IL1RAPL2: variants seen among roughly 807,000 people sequenced by gnomAD.
IL1RAPL2 encodes the protein interleukin 1 receptor accessory protein like 2, also known as X-linked interleukin-1 receptor accessory protein-like 2.
IL1RAPL2 carries 3 observed loss-of-function variants against 44.1 expected under a neutral mutation model. That is an observed-to-expected ratio of 0.07 (90% CI 0.03 to 0.18). The LOEUF is 0.18. Among genes scored for constraint, IL1RAPL2 ranks in the 10% least tolerant of loss-of-function variants. IL1RAPL2 has a pLI of 1.00. For missense variants in IL1RAPL2, 391 were observed against 496.4 expected, an observed-to-expected ratio of 0.79 and a Z score of 2.02; for synonymous variants, 181 against 178.8, an observed-to-expected ratio of 1.01 and a Z score of -0.10.
At chrX:104,802,643 A>G (rs377204233) in intron 2 of IL1RAPL2, among the ~76,000 whole-genome samples, 4 of 111,824 alleles carry the variant, frequency 3.6e-5, no homozygotes, top group African/African-American at 1.3e-4. Context: ...ATGTTTGTTC[A>G]TAGTACAATT....
At chrX:105,279,591 T>C (rs769982422) in intron 5 of IL1RAPL2, among the ~76,000 whole-genome samples, 2 of 111,615 alleles carry the variant, frequency 1.8e-5, no homozygotes, top group Admixed American at 9.5e-5. Flanking sequence ...AAAACTCTCC[T>C]GCCTCAGCCT....
At chrX:105,649,315 TAGAG>T (rs1182645359) in intron 6 of IL1RAPL2, among the ~76,000 whole-genome samples, 2 of 110,311 alleles carry the variant, frequency 1.8e-5, no homozygotes, top group African/African-American at 6.6e-5. Flanking sequence ...AAGAGGCAAA[TAGAG>T]AAAGACTGCT....
rs1434083163 is a variant in IL1RAPL2 at position 105,121,918 on chromosome X, A to G, written c.83-73557A>G. The stretch of plus-strand genomic sequence containing the variant: ...ATGCCTCACTGTCATTCTTGCCATT[A>G]TCTTAATGTTCTTGTTTCCAATAGC... On this transcript the variant is annotated intron_variant, in intron 2 of 10. Coordinates refer to ENST00000372582, the MANE Select transcript of IL1RAPL2 (RefSeq NM_017416.2). 2.7e-5 allele frequency among the ~76,000 whole-genome samples: 3 copies of G among 111,028 alleles called. No individual in the cohort carries two copies. In the East Asian group the frequency reaches 8.4e-4, roughly 31 times the overall value.
intron 2 of IL1RAPL2, among the ~76,000 whole-genome samples, chrX:104,819,416 C>T (rs1344900809): frequency 8.9e-6 from 1 of 111,951 alleles, no homozygotes; most frequent in Non-Finnish European, 1.9e-5. Context: ...ATTGTTAAGA[C>T]AAACTATCCT....
intron 2 of IL1RAPL2, among the ~76,000 whole-genome samples, chrX:104,908,571 T>G (rs1375834876): frequency 3.6e-5 from 4 of 111,291 alleles, no homozygotes; most frequent in Non-Finnish European, 5.7e-5. Context: ...GAAGCTTAGT[T>G]TGGCTGGATA....
intron 2 of IL1RAPL2, among the ~76,000 whole-genome samples, chrX:104,692,892 T>C (rs900516638): frequency 1.8e-5 from 2 of 111,632 alleles, no homozygotes; most frequent in Non-Finnish European, 3.8e-5. Context: ...ATGGTATTTC[T>C]AGTTCTAGAT....
At chrX:104,740,179 G>C (rs1178673626) in intron 2 of IL1RAPL2, among the ~76,000 whole-genome samples, 1 of 111,292 alleles carries the variant, frequency 9.0e-6, no homozygotes, top group Non-Finnish European at 1.9e-5. Flanking sequence ...GCTTGCAACA[G>C]TGACATGAAC....
intron 2 of IL1RAPL2, among the ~76,000 whole-genome samples, chrX:104,683,890 A>G (rs376217372): frequency 8.9e-6 from 1 of 112,042 alleles, no homozygotes; most frequent in East Asian, 2.8e-4. Context: ...ATGGAGTTCT[A>G]TTAATAGACC....
At chrX:105,584,354 C>A (rs1373856153) in intron 6 of IL1RAPL2, among the ~76,000 whole-genome samples, 1 of 111,160 alleles carries the variant, frequency 9.0e-6, no homozygotes, top group Non-Finnish European at 1.9e-5. Flanking sequence ...CATGAAATGC[C>A]CTCCTTTATC....
intron 3 of IL1RAPL2, among the ~76,000 whole-genome samples, chrX:105,210,854 G>C (rs906030174): frequency 2.7e-5 from 3 of 110,653 alleles, no homozygotes; most frequent in African/African-American, 9.9e-5. Context: ...GATGTCCAAG[G>C]CTCCTCCATT....
At chrX:105,413,195 T>C (rs187344211) in intron 5 of IL1RAPL2, among the ~76,000 whole-genome samples, 1 of 112,192 alleles carries the variant, frequency 8.9e-6, no homozygotes, top group East Asian at 2.8e-4. Flanking sequence ...ATTGTGCTAA[T>C]GTCGATAACA....
chrX:105,692,250 C>T (rs371879574), intron 6 of IL1RAPL2, among the ~76,000 whole-genome samples: 4 of 111,258 alleles, frequency 3.6e-5, no homozygotes, highest in South Asian at 7.7e-4. Context: ...TCACTTATTC[C>T]CCACAACTCT....
In IL1RAPL2 at chrX:104,582,828, CTT is replaced by C. The variant is rs749085042; in HGVS notation, c.-20+15779_-20+15780del. Among the ~76,000 whole-genome samples, 122 of 65,112 alleles carry C rather than the reference CTT, an allele frequency of 1.9e-3. 3 individuals carry two copies. Among genetic ancestry groups the C allele is most frequent in the Admixed American group, 9.3e-3 (45 of 4,837 alleles). The allele number at this position is 65,112 out of a possible 115,157, so 56.5% of individuals were successfully genotyped here. On this transcript the variant is annotated intron_variant, in intron 1 of 10. Transcript: ENST00000372582. The stretch of plus-strand genomic sequence containing the variant: ...CTCTTTCTCTCCTTTCTTTCTCTTT[CTT>C]TCTTTCTTTCTTTCTTTCTTTCTTT...
chrX:105,325,541 TTATATATATATATA>T lies in IL1RAPL2; in HGVS notation c.697+58023_697+58036del, dbSNP rs3035842. On this transcript the variant is annotated intron_variant, in intron 5 of 10. Coordinates refer to ENST00000372582, the MANE Select transcript of IL1RAPL2 (RefSeq NM_017416.2). ...TGTTTTCATTTTATCTCTCTTGGTTTTATATATATATATATATATATATATATATATATATACAC... is the reference window on the plus strand; with the variant it reads ...TGTTTTCATTTTATCTCTCTTGGTTTTATATATATATATATATATATACAC... 4.1e-4 allele frequency among the ~76,000 whole-genome samples: 31 copies of T among 76,072 alleles called. No individual in the cohort carries two copies. In the South Asian group the frequency reaches 7.4e-3, roughly 18 times the overall value. 66.1% of individuals were successfully genotyped at this position (76,072 alleles called of 115,157 possible).
chrX:104,964,889 C>G (rs2030089998), intron 2 of IL1RAPL2, among the ~76,000 whole-genome samples: 1 of 110,477 alleles, frequency 9.1e-6, no homozygotes, highest in Non-Finnish European at 1.9e-5. Flanking sequence ...CTCACTGCAA[C>G]CTTGACTTCC....
intron 6 of IL1RAPL2, among the ~76,000 whole-genome samples, chrX:105,540,920 G>T (rs368457820): frequency 7.9e-5 from 1 of 12,593 alleles, no homozygotes; most frequent in Non-Finnish European, 1.6e-4. Flanking sequence ...TATTATATAT[G>T]ATATATAATA....
At chrX:104,971,357 A>G (rs1195634834) in intron 2 of IL1RAPL2, among the ~76,000 whole-genome samples, 2 of 111,261 alleles carry the variant, frequency 1.8e-5, no homozygotes, top group Non-Finnish European at 3.8e-5. Context: ...CAAAAAATAA[A>G]TAAAATAAAA....
chrX:104,761,836 CCTTCTCCTT>C lies in IL1RAPL2; in HGVS notation c.82+102853_82+102861del, dbSNP rs1422360748. On this transcript the variant is annotated intron_variant, in intron 2 of 10. Transcript: ENST00000372582. ...TCTTTCTCCTCCTTCTCCTTCTTCT[CCTTCTCCTT>C]CTTCTCCTTCTCCTTCTCCTTCTCC... Among the ~76,000 whole-genome samples, 55 of 64,999 alleles carry C rather than the reference CCTTCTCCTT, an allele frequency of 8.5e-4. 1 individual carries two copies. The highest frequency in any genetic ancestry group is 1.3e-3 in the South Asian group (2 of 1,488). 56.4% of individuals were successfully genotyped at this position (64,999 alleles called of 115,157 possible).
chrX:105,480,694 T>C (rs913272846), intron 5 of IL1RAPL2, among the ~76,000 whole-genome samples: 4 of 112,040 alleles, frequency 3.6e-5, no homozygotes, highest in Admixed American at 1.9e-4. Flanking sequence ...GACAGTTCTT[T>C]CTTTCCTTTC....
Sources: gnomAD v4.1 joint callset for allele counts (sites outside exome capture counted in the v4.1 genomes callset) on GRCh38, gnomAD v4.1.1 for gene constraint, MANE v1.5 for transcripts, NCBI Gene and HGNC (gene_info 2026-07-23, HGNC 2026-07-21) for gene names.